IPO11: variants seen among roughly 807,000 people sequenced by gnomAD.
IPO11 encodes the protein importin-11.
Under a neutral mutation model 143.2 loss-of-function variants are expected in IPO11, and 66 were observed. The ratio of observed to expected loss-of-function variants is 0.46; its 90% CI spans 0.38 to 0.57. The LOEUF (loss-of-function observed/expected upper bound fraction) is 0.57, where lower values mean the gene tolerates loss of function less well. IPO11 is among the 20% of genes least tolerant of loss of function. The pLI, the probability that IPO11 is intolerant of heterozygous loss-of-function variation, is 0.00. For synonymous variants in IPO11, 385 were observed against 377.8 expected (o/e 1.02, Z -0.22); for missense variants, 1,026 against 1,141.0 (o/e 0.90, Z 1.45).
chr5:62,451,450 T>G (rs1744921351), intron 4 of IPO11, among the ~76,000 whole-genome samples: 2 of 152,174 alleles, frequency 1.3e-5, no homozygotes, highest in South Asian at 2.1e-4. Context: ...CATATCTGCT[T>G]CTTCATTTAC....
intron 9 of IPO11, among the ~76,000 whole-genome samples, chr5:62,481,290 C>A (rs1209756390): frequency 6.6e-6 from 1 of 152,120 alleles, no homozygotes; most frequent in East Asian, 1.9e-4. Context: ...GAACTTCCAA[C>A]ACTATGTTGA....
intron 27 of IPO11, among the ~76,000 whole-genome samples, chr5:62,583,747 A>C (rs1383776237): frequency 6.6e-6 from 1 of 152,232 alleles, no homozygotes; most frequent in South Asian, 2.1e-4. Context: ...TGTTACAGGC[A>C]TAATAATTTT....
rs534220915 is a variant in IPO11, at chr5:62,627,480, G to C, written c.*162G>C. On this transcript the variant is annotated 3_prime_UTR_variant, in exon 30 of 30. Coordinates refer to ENST00000325324, the MANE Select transcript of IPO11 (RefSeq NM_016338.5). ...AATGTAAAGGATAAATGTAAATCCT[G>C]CATAACTAAAATCACAAACCTATTC... The C allele has an allele frequency of 5.6e-5, 33 of 592,422 alleles. No homozygotes were observed. The South Asian group carries it at 1.1e-3, about 19-fold the overall frequency. The allele number at this position is 592,422 out of a possible 1,614,324, so 36.7% of individuals were successfully genotyped here.
At chr5:62,513,159 G>A (rs1741827358) in intron 19 of IPO11, among the ~76,000 whole-genome samples, 2 of 150,794 alleles carry the variant, frequency 1.3e-5, no homozygotes, top group East Asian at 2.0e-4. Context: ...CAGTAGGGGC[G>A]GCCGGGCAGA....
chr5:62,452,491 G>A (rs1393090315), intron 5 of IPO11, among the ~76,000 whole-genome samples: 2 of 150,956 alleles, frequency 1.3e-5, no homozygotes, highest in African/African-American at 5.0e-5. Flanking sequence ...TCTCTTGAAT[G>A]AAGCTGTAGT....
intron 16 of IPO11, among the ~76,000 whole-genome samples, chr5:62,497,920 A>G (rs879214012): frequency 6.6e-6 from 1 of 152,338 alleles, no homozygotes; most frequent in African/African-American, 2.4e-5. Flanking sequence ...TTTGTGGTCC[A>G]TACGGCTGTC....
At position 62,627,508 on chromosome 5, in the gene IPO11, C is replaced by G. The variant is rs552358812; in HGVS notation, c.*190C>G. The G allele has an allele frequency of 2.1e-6, 1 of 469,580 alleles. No individual in the cohort carries two copies. The highest frequency in any genetic ancestry group is 3.6e-6 in the Non-Finnish European group (1 of 276,536). The allele number at this position is 469,580 out of a possible 1,614,324, so 29.1% of individuals were successfully genotyped here. On this transcript the variant is annotated 3_prime_UTR_variant, in exon 30 of 30. Coordinates refer to ENST00000325324, the MANE Select transcript of IPO11 (RefSeq NM_016338.5). ...TAACTAAAATCACAAACCTATTCCT[C>G]AAAAGAATTTAATTTTATATTTATG... is the stretch of plus-strand genomic sequence containing the variant.
At chr5:62,435,172 G>GTA (rs368807385) in intron 1 of IPO11, among the ~76,000 whole-genome samples, 23,029 of 87,608 alleles carry the variant, frequency 0.26, 4,659 homozygotes, top group East Asian at 0.43. Flanking sequence ...GTATATATAT[G>GTA]TATATATGTA....
chr5:62,585,447 G>A (rs372903554), intron 27 of IPO11, among the ~76,000 whole-genome samples: 1 of 152,142 alleles, frequency 6.6e-6, no homozygotes, highest in Non-Finnish European at 1.5e-5. Flanking sequence ...AGCCCCCTGT[G>A]AAAGCCCGGA....
intron 27 of IPO11, chr5:62,580,196 A>G (rs1187146956): frequency 3.9e-6 from 6 of 1,551,084 alleles, no homozygotes; most frequent in African/African-American, 1.4e-5. Context: ...GGACTTGCCA[A>G]TCTGGAATAC....
intron 20 of IPO11, among the ~76,000 whole-genome samples, chr5:62,516,077 G>A (rs1742004309): frequency 6.6e-6 from 1 of 152,162 alleles, no homozygotes; most frequent in South Asian, 2.1e-4. Context: ...GCTCAAGGCC[G>A]TGAGTTAGAA....
intron 29 of IPO11, among the ~76,000 whole-genome samples, chr5:62,625,186 T>C (rs143483414): frequency 6.6e-6 from 1 of 152,226 alleles, no homozygotes; most frequent in African/African-American, 2.4e-5. Flanking sequence ...TGTAGTGAAA[T>C]ATAATGGGAA....
chr5:62,431,102 G>C (rs1349027278), intron 1 of IPO11, among the ~76,000 whole-genome samples: 1 of 151,714 alleles, frequency 6.6e-6, no homozygotes, highest in Non-Finnish European at 1.5e-5. Flanking sequence ...TCAACCTCCT[G>C]AGTAGCTGGG....
chr5:62,585,518 A>G (rs574203328), intron 27 of IPO11, among the ~76,000 whole-genome samples: 6 of 152,328 alleles, frequency 3.9e-5, no homozygotes, highest in African/African-American at 1.2e-4. Context: ...AGGCTAGGTA[A>G]GGTCAGAGAG....
intron 20 of IPO11, among the ~76,000 whole-genome samples, chr5:62,516,006 A>G (rs1399254205): frequency 2.0e-5 from 3 of 152,206 alleles, no homozygotes; most frequent in South Asian, 2.1e-4. Context: ...GAGCTGGACT[A>G]TAGTTCTTAT....
chr5:62,473,847 G>A (rs1437435342), intron 7 of IPO11, among the ~76,000 whole-genome samples: 1 of 151,922 alleles, frequency 6.6e-6, no homozygotes, highest in African/African-American at 2.4e-5. Flanking sequence ...GACCTAGCTG[G>A]TATATGTTGA....
At chr5:62,530,443 C>G (rs565957926) in intron 21 of IPO11, among the ~76,000 whole-genome samples, 1 of 152,316 alleles carries the variant, frequency 6.6e-6, no homozygotes, top group South Asian at 2.1e-4. Context: ...AGTGGACCTA[C>G]TCAGTGTAAA....
At chr5:62,598,410 T>TCCTTCCC (rs1745318263) in intron 28 of IPO11, among the ~76,000 whole-genome samples, 1 of 9,756 alleles carries the variant, frequency 1.0e-4, no homozygotes, top group Non-Finnish European at 1.5e-4. Flanking sequence ...CTTTCTTTCT[T>TCCTTCCC]TCTTTCTTTC....
At chr5:62,437,458 A>G (rs555483377) in intron 2 of IPO11, 41 bp downstream of exon 2, 142 of 1,539,652 alleles carry the variant, frequency 9.2e-5, no homozygotes, top group Non-Finnish European at 1.2e-4. Flanking sequence ...TTTTAATAAA[A>G]TGAGACAACA....
Sources: allele counts gnomAD v4.1 joint callset (sites outside exome capture counted in the v4.1 genomes callset), GRCh38; gene constraint gnomAD v4.1.1; transcripts MANE v1.5; gene names NCBI Gene and HGNC (gene_info 2026-07-23, HGNC 2026-07-21).